The following PRH1 variants were observed in gnomAD, a reference collection of about 807,000 sequenced individuals.
PRH1 encodes proline rich protein HaeIII subfamily 1, also known as salivary acidic proline-rich phosphoprotein 1/2.
A neutral mutation model predicts 7.9 loss-of-function variants in PRH1; 7 were observed. The ratio of observed to expected loss-of-function variants is 0.89; its 90% CI spans 0.50 to 1.67. The LOEUF (loss-of-function observed/expected upper bound fraction) is 1.67, where lower values mean the gene tolerates loss of function less well. Among genes scored for constraint, PRH1 ranks in the 40% most tolerant of loss-of-function variants. The pLI, the probability that PRH1 is intolerant of heterozygous loss-of-function variation, is 0.00. For synonymous variants in PRH1, 45 were observed against 80.8 expected (o/e 0.56, Z 2.38); for missense variants, 109 against 223.6 (o/e 0.49, Z 3.27).
chr12:10,938,144 G>C lies in PRH1; in HGVS notation c.-59+35511C>G, dbSNP rs1029952953. 5 of 714,368 alleles carry C rather than the reference G, an allele frequency of 7.0e-6. No homozygotes were observed. In the African/African-American group the frequency reaches 9.0e-5, roughly 13 times the overall value. The allele number at this position is 714,368 out of a possible 1,614,324, so 44.3% of individuals were successfully genotyped here. ...TATGTTTGGATGGTGTTGATTCCAAGCATATCTTTGTAAAATTCACAAAGT... is the reference window on the plus strand; with the variant it reads ...TATGTTTGGATGGTGTTGATTCCAACCATATCTTTGTAAAATTCACAAAGT... On this transcript the variant is annotated intron_variant, in intron 2 of 3. Coordinates refer to the PRH1 transcript ENST00000539853.
Position 11,093,509 on chromosome 12 carries a change from TC to T in PRH1, n.124-46322del, listed in dbSNP as rs1944994497. ...AAATTAGTCCTATTTTCCCGGGTTT[TC>T]AGCCCATGAATAATATTTATTTATC... On this transcript the variant is annotated intron_variant and non_coding_transcript_variant, in intron 1 of 4. Coordinates refer to the PRH1 transcript ENST00000541977. 1.7e-5 allele frequency among the ~76,000 whole-genome samples: 2 copies of T among 116,244 alleles called. 1 individual carries two copies. The highest frequency in any genetic ancestry group is 4.1e-5 in the Non-Finnish European group (2 of 49,164). The allele number at this position is 116,244 out of a possible 152,430, so 76.3% of individuals were successfully genotyped here. A position where few individuals can be genotyped will look rare whatever the true frequency, so the allele number is the denominator to read the frequency against.
chr12:10,971,717 T>C (rs2135952280), intron 2 of PRH1, among the ~76,000 whole-genome samples: 1 of 152,240 alleles, frequency 6.6e-6, no homozygotes, highest in East Asian at 1.9e-4. Flanking sequence ...TTACTTCTTG[T>C]TCTTTTCAAA....
chr12:11,059,008 C>T (rs1487088257), intron 1 of PRH1, among the ~76,000 whole-genome samples: 2 of 152,190 alleles, frequency 1.3e-5, no homozygotes, highest in South Asian at 4.1e-4. Context: ...TGGAACACCA[C>T]ACTGTGGGCA....
chr12:11,021,907 T>C (rs780611250), intron 1 of PRH1: 3 of 1,614,220 alleles, frequency 1.9e-6, no homozygotes, highest in Non-Finnish European at 2.5e-6. Flanking sequence ...TATATGGACC[T>C]TGGTGCTGGG....
intron 1 of PRH1, chr12:11,022,631 A>G: frequency 1.6e-6 from 2 of 1,224,184 alleles, no homozygotes; most frequent in Non-Finnish European, 2.3e-6. Context: ...TTTAACATCC[A>G]GATGTTAACT....
At chr12:11,130,236 G>A (rs757574293) in intron 1 of PRH1, among the ~76,000 whole-genome samples, 6 of 152,020 alleles carry the variant, frequency 3.9e-5, no homozygotes, top group Non-Finnish European at 7.4e-5. Flanking sequence ...TTATAACATT[G>A]AGCAGAAGTA....
intron 1 of PRH1, among the ~76,000 whole-genome samples, chr12:10,991,783 C>T (rs1175009651): frequency 6.6e-6 from 1 of 152,062 alleles, no homozygotes; most frequent in East Asian, 1.9e-4. Flanking sequence ...GCAAAGGAGA[C>T]TAAGAAATTG....
At chr12:11,022,193 T>A in intron 1 of PRH1, 1 of 1,614,048 alleles carries the variant, frequency 6.2e-7, no homozygotes, top group Non-Finnish European at 8.5e-7. Context: ...AGAACAACAC[T>A]CTTAATTCTC....
At chr12:11,070,451 A>T (rs1368952951) in intron 1 of PRH1, among the ~76,000 whole-genome samples, 1 of 111,556 alleles carries the variant, frequency 9.0e-6, no homozygotes, top group Non-Finnish European at 2.1e-5. Context: ...AAGTATACCA[A>T]CATATAAAAC....
At chr12:11,130,899 C>T (rs1272831364) in intron 1 of PRH1, among the ~76,000 whole-genome samples, 2 of 149,814 alleles carry the variant, frequency 1.3e-5, no homozygotes, top group African/African-American at 4.9e-5. Context: ...AGGGTATGAG[C>T]ACGTCTCAGT....
intron 1 of PRH1, among the ~76,000 whole-genome samples, chr12:11,114,158 C>A (rs566289456): frequency 1.3e-3 from 196 of 152,200 alleles, no homozygotes; most frequent in African/African-American, 4.3e-3. Context: ...TTACTGGGTA[C>A]ATACCCAAAG....
intron 1 of PRH1, among the ~76,000 whole-genome samples, chr12:11,083,597 G>C (rs1214394557): frequency 1.8e-4 from 27 of 149,138 alleles, no homozygotes; most frequent in Non-Finnish European, 1.2e-4. Flanking sequence ...ATAGCATTAA[G>C]AGTCATGATT....
At chr12:11,152,325 T>C (rs1475710218) in intron 1 of PRH1, among the ~76,000 whole-genome samples, 1 of 113,932 alleles carries the variant, frequency 8.8e-6, no homozygotes, top group Non-Finnish European at 2.1e-5. Flanking sequence ...AGATAATTTG[T>C]GAGATAGTAT....
At chr12:11,137,337 A>C (rs1275034861) in intron 1 of PRH1, among the ~76,000 whole-genome samples, 2 of 152,240 alleles carry the variant, frequency 1.3e-5, no homozygotes, top group Non-Finnish European at 2.9e-5. Flanking sequence ...ATTCCCATGG[A>C]AACAAAACTG....
At chr12:11,160,070 G>A (rs1947367869) in intron 1 of PRH1, among the ~76,000 whole-genome samples, 1 of 152,108 alleles carries the variant, frequency 6.6e-6, no homozygotes, top group Non-Finnish European at 1.5e-5. Flanking sequence ...ATGCAAAAAT[G>A]AGAGATCATT....
intron 1 of PRH1, among the ~76,000 whole-genome samples, chr12:10,999,633 GAC>G (rs1940485181): frequency 6.6e-6 from 1 of 152,100 alleles, no homozygotes; most frequent in Non-Finnish European, 1.5e-5. Flanking sequence ...ACTGCAAACA[GAC>G]TAGGTCCACT....
intron 1 of PRH1, among the ~76,000 whole-genome samples, chr12:11,100,345 C>T (rs1156308853): frequency 6.6e-6 from 1 of 152,118 alleles, no homozygotes; most frequent in East Asian, 1.9e-4. Context: ...GAGAATAAAA[C>T]CAAGGTCTAG....
intron 1 of PRH1, chr12:11,171,192 G>C (rs867861731): frequency 3.9e-5 from 16 of 410,192 alleles, no homozygotes; most frequent in Non-Finnish European, 6.7e-5. Context: ...AGCGGCGCCC[G>C]GGGCTACGCG....
At chr12:10,996,529 G>A (rs1021300453) in intron 1 of PRH1, 7 of 153,204 alleles carry the variant, frequency 4.6e-5, no homozygotes, top group African/African-American at 7.2e-5. Context: ...ATTTTACAAC[G>A]AAAAACAGCA....
Sources: allele counts gnomAD v4.1 joint callset (sites outside exome capture counted in the v4.1 genomes callset), GRCh38; gene constraint gnomAD v4.1.1; transcripts MANE v1.5; gene names NCBI Gene and HGNC (gene_info 2026-07-23, HGNC 2026-07-21).